The following GAB2 variants were observed in gnomAD, a reference collection of about 807,000 sequenced individuals.
The protein encoded by GAB2 is GRB2 associated binding protein 2.
A neutral mutation model predicts 65.5 loss-of-function variants in GAB2; 26 were observed. That is an observed-to-expected ratio of 0.40 (90% CI 0.29 to 0.55). The LOEUF (loss-of-function observed/expected upper bound fraction) is 0.55. Among genes scored for constraint, GAB2 ranks in the 20% least tolerant of loss-of-function variants. The pLI is 0.53. For synonymous variants in GAB2, 321 were observed against 329.6 expected (o/e 0.97, Z 0.28); for missense variants, 884 against 875.8 (o/e 1.01, Z -0.12).
At chr11:78,370,285 T>C (rs1366598780) in intron 1 of GAB2, among the ~76,000 whole-genome samples, 1 of 146,496 alleles carries the variant, frequency 6.8e-6, no homozygotes, top group South Asian at 2.2e-4. Flanking sequence ...GAAAAGAAAA[T>C]ACAATTGACC....
chr11:78,305,371 T>C (rs1323670973), intron 1 of GAB2, among the ~76,000 whole-genome samples: 1 of 152,230 alleles, frequency 6.6e-6, no homozygotes, highest in African/African-American at 2.4e-5. Context: ...AATTTAGATT[T>C]ACTTTAAGGT....
intron 1 of GAB2, among the ~76,000 whole-genome samples, chr11:78,406,288 A>G (rs1857043221): frequency 1.3e-5 from 2 of 152,186 alleles, no homozygotes; most frequent in South Asian, 4.1e-4. Flanking sequence ...TCCCCTTCCG[A>G]TGATTGCAGC....
intron 1 of GAB2, among the ~76,000 whole-genome samples, chr11:78,345,552 G>T (rs1252518053): frequency 6.6e-6 from 1 of 152,138 alleles, no homozygotes; most frequent in Non-Finnish European, 1.5e-5. Context: ...ATATTCAAAG[G>T]TTCAGATTCT....
At chr11:78,267,413 G>A (rs1865899198) in intron 2 of GAB2, among the ~76,000 whole-genome samples, 1 of 152,198 alleles carries the variant, frequency 6.6e-6, no homozygotes, top group African/African-American at 2.4e-5. Context: ...ATGGACAGGT[G>A]AAAACACTGC....
chr11:78,231,591 G>C (rs1864855630), intron 3 of GAB2, among the ~76,000 whole-genome samples: 1 of 152,116 alleles, frequency 6.6e-6, no homozygotes, highest in Non-Finnish European at 1.5e-5. Flanking sequence ...CTCGTGGTCT[G>C]CCCGCCTCAG....
At chr11:78,405,091 A>ATTTTTTTTTTTTTTTTTTTT (rs1174366754) in intron 1 of GAB2, among the ~76,000 whole-genome samples, 1 of 93,280 alleles carries the variant, frequency 1.1e-5, no homozygotes, top group African/African-American at 5.2e-5. Context: ...AAAAACATGG[A>ATTTTTTTTTTTTTTTTTTTT]TTTTTTTTTT....
At chr11:78,328,961 A>G (rs552796336) in intron 1 of GAB2, among the ~76,000 whole-genome samples, 1 of 152,322 alleles carries the variant, frequency 6.6e-6, no homozygotes, top group East Asian at 1.9e-4. Context: ...GTGGAACTCT[A>G]GGGAATGATA....
At chr11:78,240,578 C>T (rs543341563) in intron 3 of GAB2, among the ~76,000 whole-genome samples, 5 of 152,144 alleles carry the variant, frequency 3.3e-5, no homozygotes, top group Admixed American at 1.3e-4. Context: ...CACAGCTATA[C>T]TCTGCCATTC....
chr11:78,294,060 C>T (rs539806120), intron 1 of GAB2, among the ~76,000 whole-genome samples: 5 of 152,202 alleles, frequency 3.3e-5, no homozygotes, highest in Admixed American at 3.3e-4. Flanking sequence ...AATGCTATCC[C>T]CTCCCCGCTC....
At chr11:78,285,975 C>G (rs1349680034) in intron 1 of GAB2, among the ~76,000 whole-genome samples, 1 of 152,194 alleles carries the variant, frequency 6.6e-6, no homozygotes, top group Non-Finnish European at 1.5e-5. Context: ...CCAACTAGGA[C>G]ATGAACAAAA....
chr11:78,248,734 T>C (rs946827500), intron 3 of GAB2, among the ~76,000 whole-genome samples: 2 of 152,260 alleles, frequency 1.3e-5, no homozygotes, highest in Admixed American at 6.5e-5. Flanking sequence ...TATTGAAGGT[T>C]AATTAGGTTA....
At position 78,393,783 on chromosome 11, in the gene GAB2, TAG is replaced by T. The variant is rs543000257; in HGVS notation, c.75+23861_75+23862del. 3.5e-4 allele frequency among the ~76,000 whole-genome samples: 54 copies of T among 152,366 alleles called. No homozygotes were observed. In the East Asian group the frequency reaches 3.9e-3, roughly 11 times the overall value. On this transcript the variant is annotated intron_variant, in intron 1 of 9. Coordinates refer to ENST00000361507, the MANE Select transcript of GAB2 (RefSeq NM_080491.3). ...AATTGTAACAGTTACCACTTATTTATAGAGTGTTTACAATGTGCCTGGCATTA... is the reference window on the plus strand; with the variant it reads ...AATTGTAACAGTTACCACTTATTTATAGTGTTTACAATGTGCCTGGCATTA...
intron 1 of GAB2, among the ~76,000 whole-genome samples, chr11:78,322,977 C>A (rs925891415): frequency 2.6e-5 from 4 of 151,930 alleles, no homozygotes; most frequent in Non-Finnish European, 5.9e-5. Context: ...AGTATATGTA[C>A]AAAGGAAAAT....
At chr11:78,301,797 A>G (rs942314845) in intron 1 of GAB2, among the ~76,000 whole-genome samples, 10 of 152,236 alleles carry the variant, frequency 6.6e-5, no homozygotes, top group African/African-American at 2.4e-4. Context: ...AAACTATACT[A>G]TAAGGCTATA....
intron 1 of GAB2, among the ~76,000 whole-genome samples, chr11:78,387,096 C>G (rs2134745297): frequency 6.6e-6 from 1 of 152,316 alleles, no homozygotes; most frequent in East Asian, 1.9e-4. Context: ...GGCTGGAGTA[C>G]AGTGGCTAGG....
Position 78,232,751 on chromosome 11 carries a change from AAG to A in GAB2, c.621-5702_621-5701del, listed in dbSNP as rs574164317. On this transcript the variant is annotated intron_variant, in intron 3 of 9. Coordinates refer to ENST00000361507, the MANE Select transcript of GAB2 (RefSeq NM_080491.3). The stretch of plus-strand genomic sequence containing the variant: ...AATCAGGTTCCCACATAAATGAAAA[AAG>A]AGATAGATAGAAGGCTGGTATTAGT... 1.9e-4 allele frequency among the ~76,000 whole-genome samples: 29 copies of A among 152,344 alleles called. No homozygotes were observed. In the East Asian group the frequency reaches 5.2e-3, roughly 27 times the overall value.
At chr11:78,400,901 C>CAAAA (rs59240034) in intron 1 of GAB2, among the ~76,000 whole-genome samples, 11 of 65,214 alleles carry the variant, frequency 1.7e-4, no homozygotes, top group Admixed American at 2.6e-4. Flanking sequence ...GAGACTGTCT[C>CAAAA]AAAAAAAAAA....
intron 1 of GAB2, among the ~76,000 whole-genome samples, chr11:78,309,417 T>A (rs1431514049): frequency 6.6e-6 from 1 of 151,466 alleles, no homozygotes; most frequent in African/African-American, 2.4e-5. Flanking sequence ...CCAGCCTTCA[T>A]GTAATTTTAA....
At chr11:78,223,776 G>T in intron 5 of GAB2, 100 bp from the exon 6 acceptor site, 1 of 1,009,702 alleles carries the variant, frequency 9.9e-7, no homozygotes, top group Non-Finnish European at 1.5e-6. Flanking sequence ...TCATGACTGG[G>T]TTAGCTATAC....
Sources: allele counts gnomAD v4.1 joint callset (sites outside exome capture counted in the v4.1 genomes callset), GRCh38; gene constraint gnomAD v4.1.1; transcripts MANE v1.5; gene names NCBI Gene and HGNC (gene_info 2026-07-23, HGNC 2026-07-21).